Variants in PSMD12 observed in about 807,000 individuals in gnomAD.
PSMD12 encodes the protein proteasome 26S subunit, non-ATPase 12, also known as 26S proteasome non-ATPase regulatory subunit 12.
Under a neutral mutation model 62.9 loss-of-function variants are expected in PSMD12, and 8 were observed. The ratio of observed to expected loss-of-function variants is 0.13; its 90% CI spans 0.07 to 0.23. PSMD12 has a LOEUF of 0.23. PSMD12 is among the 10% of genes least tolerant of loss of function. PSMD12 has a pLI of 1.00. For missense variants in PSMD12, 424 were observed against 550.2 expected (o/e 0.77, Z 2.29); for synonymous variants, 173 against 187.4 (o/e 0.92, Z 0.63).
At position 67,340,913 on chromosome 17, in the gene PSMD12, G is replaced by A. The variant is rs1319562826; in HGVS notation, c.1301C>T (p.Ser434Leu). ...LLNDWSQKLN[S>L]LMSLVNKTTH... ...AGTTTTGTTAACCAGAGACATTAAT[G>A]AGTTCAGTTTCTGAGACCAGTCATT... Residue 434 changes from serine to leucine, a missense_variant, in exon 11 of 11, where the codon TCA (serine) becomes TTA (leucine). Ser to Leu is a moderately radical substitution (Grantham distance 145, BLOSUM62 -2). Transcript: ENST00000356126. 3 of 1,594,224 alleles carry A rather than the reference G, an allele frequency of 1.9e-6. No individual in the cohort carries two copies. Among genetic ancestry groups the A allele is most frequent in the African/African-American group, 1.4e-5 (1 of 73,330 alleles).
intron 3 of PSMD12, among the ~76,000 whole-genome samples, chr17:67,351,529 G>A (rs561266492): frequency 4.0e-5 from 6 of 151,878 alleles, no homozygotes; most frequent in South Asian, 4.2e-4. Context: ...AGATTTCCAC[G>A]AAAAACATTT....
At chr17:67,347,913 G>A (rs751616282) in intron 5 of PSMD12, among the ~76,000 whole-genome samples, 2 of 152,130 alleles carry the variant, frequency 1.3e-5, no homozygotes, top group Non-Finnish European at 2.9e-5. Flanking sequence ...TATTCACTCT[G>A]TATAATGGCC....
At chr17:67,355,588 C>T (rs1161987126) in intron 3 of PSMD12, among the ~76,000 whole-genome samples, 1 of 152,140 alleles carries the variant, frequency 6.6e-6, no homozygotes, top group African/African-American at 2.4e-5. Flanking sequence ...TCCTCTTTTA[C>T]AATGCCATTG....
At chr17:67,358,665 A>G (rs894683737) in intron 1 of PSMD12, among the ~76,000 whole-genome samples, 2 of 152,090 alleles carry the variant, frequency 1.3e-5, no homozygotes, top group Admixed American at 1.3e-4. Context: ...CAGATATTTT[A>G]AAATACAGAG....
At chr17:67,358,854 T>C (rs1187493312) in intron 1 of PSMD12, among the ~76,000 whole-genome samples, 1 of 152,134 alleles carries the variant, frequency 6.6e-6, no homozygotes, top group African/African-American at 2.4e-5. Context: ...TCAACTGAAA[T>C]ACAGTTTCTG....
intron 9 of PSMD12, among the ~76,000 whole-genome samples, chr17:67,343,583 A>G (rs1473374884): frequency 6.6e-6 from 1 of 152,204 alleles, no homozygotes; most frequent in Non-Finnish European, 1.5e-5. Context: ...TAGAACTACC[A>G]AAGTTTCCCA....
intron 1 of PSMD12, among the ~76,000 whole-genome samples, chr17:67,364,914 T>C (rs1270040699): frequency 6.6e-6 from 1 of 152,076 alleles, no homozygotes; most frequent in Admixed American, 6.5e-5. Flanking sequence ...CCAGCCGCGG[T>C]GGCTCACGCC....
intron 1 of PSMD12, among the ~76,000 whole-genome samples, chr17:67,358,625 G>T (rs187555564): frequency 7.0e-6 from 1 of 143,512 alleles, no homozygotes; most frequent in East Asian, 2.1e-4. Flanking sequence ...GAAAATAAAT[G>T]ATTCCTTTAT....
intron 5 of PSMD12, among the ~76,000 whole-genome samples, chr17:67,347,793 T>C (rs904188373): frequency 6.6e-6 from 1 of 152,206 alleles, no homozygotes; most frequent in African/African-American, 2.4e-5. Context: ...AATCACACAC[T>C]TCCCCCACTC....
intron 4 of PSMD12, among the ~76,000 whole-genome samples, 168 bp from the exon 5 acceptor site, chr17:67,348,822 C>T (rs2041992640): frequency 6.6e-6 from 1 of 151,954 alleles, no homozygotes; most frequent in African/African-American, 2.4e-5. Flanking sequence ...ACATGTTGAG[C>T]CCGTCTCTAC....
At chr17:67,341,434 CACTCCCACCTGGGCGACAAGGTGAG>C (rs1341294871) in intron 10 of PSMD12, among the ~76,000 whole-genome samples, 1 of 135,884 alleles carries the variant, frequency 7.4e-6, no homozygotes, top group Non-Finnish European at 1.5e-5. Context: ...CGCACCAATG[CACTCCCACCTGGGCGACAAGGTGAG>C]ACTCTGCCTC....
At chr17:67,356,004 ACACACG>A (rs879587008) in intron 3 of PSMD12, among the ~76,000 whole-genome samples, 133 of 132,464 alleles carry the variant, frequency 1.0e-3, no homozygotes, top group African/African-American at 2.1e-3. Context: ...ACACACACAC[ACACACG>A]CACACACACA....
intron 1 of PSMD12, among the ~76,000 whole-genome samples, chr17:67,360,376 C>T (rs891479069): frequency 2.6e-5 from 4 of 152,200 alleles, no homozygotes; most frequent in African/African-American, 9.6e-5. Flanking sequence ...CATTAAACGT[C>T]ATTTTCTTAC....
chr17:67,362,960 C>T (rs2143740329), intron 1 of PSMD12: 1 of 152,180 alleles, frequency 6.6e-6, no homozygotes, highest in Non-Finnish European at 1.5e-5. Context: ...ACGTATACAG[C>T]AATAAATATT....
intron 1 of PSMD12, among the ~76,000 whole-genome samples, chr17:67,360,526 G>A (rs2042119647): frequency 2.0e-5 from 3 of 152,116 alleles, no homozygotes; most frequent in Non-Finnish European, 2.9e-5. Context: ...TCCAATCTCA[G>A]TAGAATGCGA....
At chr17:67,365,332 T>C (rs1282717833) in intron 1 of PSMD12, among the ~76,000 whole-genome samples, 5 of 152,188 alleles carry the variant, frequency 3.3e-5, no homozygotes, top group African/African-American at 1.2e-4. Context: ...CTGTATGATC[T>C]TGGGGCATGT....
intron 3 of PSMD12, among the ~76,000 whole-genome samples, chr17:67,352,942 G>A (rs2042031507): frequency 6.6e-6 from 1 of 152,188 alleles, no homozygotes; most frequent in African/African-American, 2.4e-5. Flanking sequence ...ATATGCCAAA[G>A]CGAAGCCATA....
chr17:67,340,511 T>TA lies in PSMD12; in HGVS notation c.*331dup, dbSNP rs2041903104. ...TAACTGTAGAAAGGAAATATGTATA[T>TA]ACTGCTTTTATTATTGGAATATGTT... On this transcript the variant is annotated 3_prime_UTR_variant, in exon 11 of 11. Coordinates refer to ENST00000356126, the MANE Select transcript of PSMD12 (RefSeq NM_002816.5). 5.1e-6 allele frequency: 1 copy of TA among 195,932 alleles called. No homozygotes were observed. The highest frequency in any genetic ancestry group is 1.0e-5 in the Non-Finnish European group (1 of 98,234). 12.1% of individuals were successfully genotyped at this position (195,932 alleles called of 1,614,324 possible). A position where few individuals can be genotyped will look rare whatever the true frequency, so the allele number is the denominator to read the frequency against.
At chr17:67,361,467 A>T (rs2042126950) in intron 1 of PSMD12, among the ~76,000 whole-genome samples, 2 of 152,134 alleles carry the variant, frequency 1.3e-5, no homozygotes, top group African/African-American at 4.8e-5. Context: ...CTGTAATCCC[A>T]ACTACTTGGG....
Sources: gnomAD v4.1 joint callset for allele counts (sites outside exome capture counted in the v4.1 genomes callset) on GRCh38, gnomAD v4.1.1 for gene constraint, MANE v1.5 for transcripts, NCBI Gene and HGNC (gene_info 2026-07-23, HGNC 2026-07-21) for gene names.